Variants in ATG5 observed in about 807,000 individuals in gnomAD.
ATG5 encodes autophagy related 5, also known as autophagy protein 5.
Under a neutral mutation model 36.5 loss-of-function variants are expected in ATG5, and 14 were observed. That is an observed-to-expected ratio of 0.38 (90% CI 0.25 to 0.60). The LOEUF (loss-of-function observed/expected upper bound fraction) is 0.60. ATG5 is among the 20% of genes least tolerant of loss of function. The pLI is 0.60. For synonymous variants in ATG5, 95 were observed against 101.5 expected (o/e 0.94, Z 0.38); for missense variants, 195 against 326.7 (o/e 0.60, Z 3.11).
intron 6 of ATG5, among the ~76,000 whole-genome samples, chr6:106,235,896 G>A (rs1348482354): frequency 6.6e-6 from 1 of 152,106 alleles, no homozygotes; most frequent in Non-Finnish European, 1.5e-5. Context: ...CTGTAACAGT[G>A]TTACAGTTTC....
At chr6:106,285,704 A>G (rs527783962) in intron 4 of ATG5, among the ~76,000 whole-genome samples, 2 of 152,376 alleles carry the variant, frequency 1.3e-5, no homozygotes, top group East Asian at 3.9e-4. Context: ...AGTCATAGAC[A>G]ATATGTATAT....
intron 6 of ATG5, among the ~76,000 whole-genome samples, chr6:106,214,388 T>C (rs1208480764): frequency 3.9e-5 from 6 of 152,160 alleles, no homozygotes; most frequent in Admixed American, 6.5e-5. Context: ...AATAGGAGAG[T>C]TGAAAATAAG....
chr6:106,312,902 G>A (rs546319182), intron 2 of ATG5, among the ~76,000 whole-genome samples: 1 of 152,342 alleles, frequency 6.6e-6, no homozygotes, highest in East Asian at 1.9e-4. Context: ...GGAGGTGGAA[G>A]GCAGAGAATG....
chr6:106,254,094 T>C (rs1401529609), intron 5 of ATG5, among the ~76,000 whole-genome samples: 1 of 152,194 alleles, frequency 6.6e-6, no homozygotes, highest in Non-Finnish European at 1.5e-5. Context: ...TTTCGGTCCC[T>C]AGTAAATACC....
intron 5 of ATG5, among the ~76,000 whole-genome samples, chr6:106,269,258 C>T (rs1258672308): frequency 2.6e-5 from 4 of 152,110 alleles, no homozygotes; most frequent in Non-Finnish European, 5.9e-5. Context: ...GTTTACAAAC[C>T]TTGAGCTAGA....
chr6:106,291,828 C>T (rs1780319388), intron 4 of ATG5, among the ~76,000 whole-genome samples: 1 of 152,212 alleles, frequency 6.6e-6, no homozygotes. Context: ...TGCATACCAA[C>T]ACTATGTGCT....
intron 2 of ATG5, 39 bp downstream of exon 2, chr6:106,316,062 A>G (rs376493675): frequency 1.5e-5 from 23 of 1,500,758 alleles, no homozygotes; most frequent in Non-Finnish European, 1.8e-5. Flanking sequence ...AAAAATGGAC[A>G]AGGTTAAATA....
chr6:106,298,044 A>C (rs183403837), intron 3 of ATG5, among the ~76,000 whole-genome samples: 113 of 150,516 alleles, frequency 7.5e-4, no homozygotes, highest in Middle Eastern at 3.4e-3. Flanking sequence ...GGCTCACTAC[A>C]ACCTCTGCCT....
chr6:106,226,876 A>C (rs1777470807), intron 6 of ATG5, among the ~76,000 whole-genome samples: 1 of 152,188 alleles, frequency 6.6e-6, no homozygotes, highest in Non-Finnish European at 1.5e-5. Flanking sequence ...CAGCCAGAAG[A>C]ATGAATCAGC....
At chr6:106,315,972 T>A (rs1224623785) in intron 2 of ATG5, 129 bp downstream of exon 2, 1 of 688,668 alleles carries the variant, frequency 1.5e-6, no homozygotes, top group Admixed American at 3.1e-5. Context: ...CTGTGTTAAT[T>A]TTTTTTCCAA....
chr6:106,245,054 A>G (rs1385676595), intron 6 of ATG5, among the ~76,000 whole-genome samples: 1 of 152,224 alleles, frequency 6.6e-6, no homozygotes, highest in Non-Finnish European at 1.5e-5. Flanking sequence ...TGTCATCTCT[A>G]GAATACTGGC....
chr6:106,201,271 GTA>G (rs1028965457), intron 7 of ATG5, among the ~76,000 whole-genome samples: 28 of 100,792 alleles, frequency 2.8e-4, no homozygotes, highest in African/African-American at 1.1e-3. Flanking sequence ...GTATTCAAGT[GTA>G]TATGTGTGTG....
chr6:106,291,359 C>T (rs1780301444), intron 4 of ATG5, among the ~76,000 whole-genome samples: 1 of 152,206 alleles, frequency 6.6e-6, no homozygotes, highest in African/African-American at 2.4e-5. Flanking sequence ...CAGTGAGGTA[C>T]AATGCCCTGC....
In ATG5 at chr6:106,253,140, G is replaced by C. The variant is rs3804331; in HGVS notation, c.479-4896C>G. 2.6e-5 allele frequency among the ~76,000 whole-genome samples: 4 copies of C among 152,162 alleles called. No homozygotes were observed. In the East Asian group the frequency reaches 7.7e-4, roughly 29 times the overall value. ...AACATCTCTGTAAGACAAAACAGGA[G>C]AAAAATAAAAATGAACAAGTAGTAA... On this transcript the variant is annotated intron_variant, in intron 5 of 7. Transcript: ENST00000369076.
chr6:106,315,612 T>C (rs1190553601), intron 2 of ATG5, among the ~76,000 whole-genome samples: 1 of 152,090 alleles, frequency 6.6e-6, no homozygotes, highest in Non-Finnish European at 1.5e-5. Flanking sequence ...ACGTATCGTG[T>C]GTGTGTATGT....
At chr6:106,241,435 C>A (rs1456552142) in intron 6 of ATG5, among the ~76,000 whole-genome samples, 1 of 152,050 alleles carries the variant, frequency 6.6e-6, no homozygotes, top group Non-Finnish European at 1.5e-5. Context: ...AACAGTATGG[C>A]CATTCCTCAA....
chr6:106,240,511 ATTAG>A (rs149262842), intron 6 of ATG5, among the ~76,000 whole-genome samples: 12,509 of 151,886 alleles, frequency 0.082, 529 homozygotes, highest in South Asian at 0.13. Context: ...TGAGAGAATT[ATTAG>A]TTAAAGTAAA....
chr6:106,241,965 C>T (rs1358184342), intron 6 of ATG5, among the ~76,000 whole-genome samples: 1 of 151,974 alleles, frequency 6.6e-6, no homozygotes, highest in African/African-American at 2.4e-5. Flanking sequence ...TTCTGTTTCT[C>T]TGGAGAATGC....
At chr6:106,198,301 G>A (rs1205448230) in intron 7 of ATG5, among the ~76,000 whole-genome samples, 2 of 152,172 alleles carry the variant, frequency 1.3e-5, no homozygotes, top group African/African-American at 4.8e-5. Flanking sequence ...AGAGTTTGGT[G>A]AACAGGTAGT....
Sources: gnomAD v4.1 joint callset for allele counts (sites outside exome capture counted in the v4.1 genomes callset) on GRCh38, gnomAD v4.1.1 for gene constraint, MANE v1.5 for transcripts, NCBI Gene and HGNC (gene_info 2026-07-23, HGNC 2026-07-21) for gene names.